DNAJC27: variants seen among roughly 807,000 people sequenced by gnomAD.
DNAJC27 encodes the protein dnaJ homolog subfamily C member 27.
In DNAJC27, 25 loss-of-function variants were observed where a neutral mutation model predicts 31.4. The observed-to-expected ratio is 0.80, with a 90% CI of 0.58 to 1.11. DNAJC27 has a LOEUF of 1.11. Among genes scored for constraint, DNAJC27 ranks in the 50% most tolerant of loss-of-function variants. DNAJC27 has a pLI of 0.00. For synonymous variants in DNAJC27, 106 were observed against 112.7 expected, an observed-to-expected ratio of 0.94 and a Z score of 0.37; for missense variants, 356 against 347.3, an observed-to-expected ratio of 1.02 and a Z score of -0.20.
chr2:24,943,987 A>G lies in DNAJC27; in HGVS notation c.*3629T>C, dbSNP rs1461654580. 1.3e-5 allele frequency: 2 copies of G among 152,256 alleles called. No homozygotes were observed. Among genetic ancestry groups the G allele is most frequent in the Non-Finnish European group, 2.9e-5 (2 of 68,038 alleles). 9.4% of individuals were successfully genotyped at this position (152,256 alleles called of 1,614,324 possible). A position where few individuals can be genotyped will look rare whatever the true frequency, so the allele number is the denominator to read the frequency against. On this transcript the variant is annotated 3_prime_UTR_variant, in exon 7 of 7. Coordinates refer to ENST00000264711, the MANE Select transcript of DNAJC27 (RefSeq NM_016544.3). Reference sequence around the variant, plus strand: ...CAGTGTAAGCTTTTGTCTTCTCTAGAAAAGTTTAATGGAAAAAAACGATGT... The same window carrying G: ...CAGTGTAAGCTTTTGTCTTCTCTAGGAAAGTTTAATGGAAAAAAACGATGT...
chr2:24,963,537 C>T, intron 2 of DNAJC27, 63 bp from the exon 3 acceptor site: 1 of 1,378,984 alleles, frequency 7.3e-7, no homozygotes, highest in African/African-American at 1.4e-5. Flanking sequence ...ACCTTAATAT[C>T]ATTTATAAAT....
intron 2 of DNAJC27, among the ~76,000 whole-genome samples, chr2:24,966,549 C>T (rs998922853): frequency 3.3e-5 from 5 of 152,098 alleles, no homozygotes; most frequent in Non-Finnish European, 7.4e-5. Flanking sequence ...ACCTCTGCCT[C>T]CCGGGTTCAA....
At chr2:24,950,084 G>C in intron 6 of DNAJC27, among the ~76,000 whole-genome samples, 1 of 143,724 alleles carries the variant, frequency 7.0e-6, no homozygotes, top group Admixed American at 6.9e-5. Flanking sequence ...ATAAACCAAA[G>C]AGTATAGCAC....
At chr2:24,965,610 A>AT (rs1235432826) in intron 2 of DNAJC27, among the ~76,000 whole-genome samples, 1 of 152,160 alleles carries the variant, frequency 6.6e-6, no homozygotes, top group East Asian at 1.9e-4. Flanking sequence ...AAGAGCTACA[A>AT]TTTTCATTCT....
intron 3 of DNAJC27, among the ~76,000 whole-genome samples, chr2:24,959,902 T>C (rs1231274300): frequency 6.6e-6 from 1 of 152,212 alleles, no homozygotes; most frequent in Non-Finnish European, 1.5e-5. Flanking sequence ...TCTTCCCTCC[T>C]ACACTAGAAG....
At chr2:24,962,658 A>C (rs1666078302) in intron 3 of DNAJC27, among the ~76,000 whole-genome samples, 1 of 152,240 alleles carries the variant, frequency 6.6e-6, no homozygotes, top group African/African-American at 2.4e-5. Context: ...AACATCTCAG[A>C]ATTTGTGGGA....
rs959102055 is a variant in DNAJC27 at position 24,946,717 on chromosome 2, C to G, written c.*899G>C. 2.0e-5 allele frequency: 3 copies of G among 151,962 alleles called. No individual in the cohort carries two copies. The highest frequency in any genetic ancestry group is 2.0e-4 in the Admixed American group (3 of 15,246). 9.4% of individuals were successfully genotyped at this position (151,962 alleles called of 1,614,324 possible). A position where few individuals can be genotyped will look rare whatever the true frequency, so the allele number is the denominator to read the frequency against. On this transcript the variant is annotated 3_prime_UTR_variant, in exon 7 of 7. Transcript: ENST00000264711. ...AAGAGACAAGATCTTACTATGTTGC[C>G]CAGGTGGGACTTGAGCTCCTGGGCT... is the stretch of plus-strand genomic sequence containing the variant.
chr2:24,963,506 A>T (rs371271613), intron 2 of DNAJC27, 32 bp from the exon 3 acceptor site: 12 of 1,572,280 alleles, frequency 7.6e-6, no homozygotes, highest in South Asian at 1.1e-5. Context: ...AATCCGAAAG[A>T]AAGTCATGGT....
chr2:24,963,232 C>T (rs1666092488), intron 3 of DNAJC27, 173 bp downstream of exon 3: 1 of 442,056 alleles, frequency 2.3e-6, no homozygotes, highest in African/African-American at 2.0e-5. Context: ...ACAGGATAAC[C>T]TAAAAGATCA....
intron 1 of DNAJC27, among the ~76,000 whole-genome samples, chr2:24,970,460 C>CTTTTTTT (rs35742187): frequency 8.3e-6 from 1 of 120,122 alleles, no homozygotes; most frequent in African/African-American, 3.2e-5. Flanking sequence ...AGTAAAATTA[C>CTTTTTTT]TTTTTTTTTT....
intron 1 of DNAJC27, 119 bp downstream of exon 1, chr2:24,971,699 G>A (rs996441267): frequency 4.8e-6 from 4 of 830,670 alleles, no homozygotes; most frequent in South Asian, 1.8e-5. Flanking sequence ...CTGAGACCCG[G>A]GCCTGCTCGG....
chr2:24,956,933 A>T, intron 5 of DNAJC27, 110 bp downstream of exon 5: 1 of 1,282,736 alleles, frequency 7.8e-7, no homozygotes, highest in South Asian at 1.4e-5. Context: ...GAAAAGAAAG[A>T]GCTTATTCTA....
At chr2:24,949,210 A>G in intron 6 of DNAJC27, among the ~76,000 whole-genome samples, 1 of 152,190 alleles carries the variant, frequency 6.6e-6, no homozygotes, top group Non-Finnish European at 1.5e-5. Context: ...TAATTCGCTA[A>G]CAAGAATGAC....
At chr2:24,968,637 C>T (rs566407684) in intron 1 of DNAJC27, among the ~76,000 whole-genome samples, 150 of 152,012 alleles carry the variant, frequency 9.9e-4, no homozygotes, top group African/African-American at 3.3e-3. Flanking sequence ...CCACTGTGTC[C>T]GGCCTAGAAT....
At chr2:24,956,120 T>A (rs1221297835) in intron 5 of DNAJC27, among the ~76,000 whole-genome samples, 1 of 152,254 alleles carries the variant, frequency 6.6e-6, no homozygotes, top group African/African-American at 2.4e-5. Context: ...ATCTGTCTTC[T>A]AGCAGGAGGA....
intron 3 of DNAJC27, 67 bp from the exon 4 acceptor site, chr2:24,958,041 C>A: frequency 1.4e-6 from 2 of 1,451,176 alleles, no homozygotes; most frequent in South Asian, 2.5e-5. Context: ...ATCTCACAGT[C>A]ATTAACCTGG....
rs1665665400 is a variant in DNAJC27 at position 24,946,972 on chromosome 2, T to G, written c.*644A>C. On this transcript the variant is annotated 3_prime_UTR_variant, in exon 7 of 7. Coordinates refer to ENST00000264711, the MANE Select transcript of DNAJC27 (RefSeq NM_016544.3). ...AGAATTTGTGGCTGCCACCACCTTT[T>G]CTCTTAGGACTGGCTTGTCTCTCCC... 1 of 152,194 alleles carries G rather than the reference T, an allele frequency of 6.6e-6. No homozygotes were observed. The highest frequency in any genetic ancestry group is 1.5e-5 in the Non-Finnish European group (1 of 68,062). The allele number at this position is 152,194 out of a possible 1,614,324, so 9.4% of individuals were successfully genotyped here.
chr2:24,953,843 C>T (rs984864336), intron 5 of DNAJC27, among the ~76,000 whole-genome samples: 2 of 152,066 alleles, frequency 1.3e-5, no homozygotes, highest in Non-Finnish European at 2.9e-5. Flanking sequence ...GAGACCAAAG[C>T]CTGTTTAAAT....
chr2:24,963,772 T>C (rs1293969945), intron 2 of DNAJC27, among the ~76,000 whole-genome samples: 5 of 152,186 alleles, frequency 3.3e-5, no homozygotes, highest in African/African-American at 7.2e-5. Flanking sequence ...GCTATTACTA[T>C]GGTATTAAGA....
Sources: allele counts gnomAD v4.1 joint callset (sites outside exome capture counted in the v4.1 genomes callset), GRCh38; gene constraint gnomAD v4.1.1; transcripts MANE v1.5; gene names NCBI Gene and HGNC (gene_info 2026-07-23, HGNC 2026-07-21).